NBEAL1: variants seen among roughly 807,000 people sequenced by gnomAD.
NBEAL1 encodes the protein neurobeachin-like protein 1.
A neutral mutation model predicts 351.3 loss-of-function variants in NBEAL1; 273 were observed. The observed-to-expected ratio is 0.78, with a 90% CI of 0.70 to 0.86. The LOEUF (loss-of-function observed/expected upper bound fraction) is 0.86. Among genes scored for constraint, NBEAL1 ranks in the 40% least tolerant of loss-of-function variants. The probability of loss-of-function intolerance (pLI) is 0.00; values close to 1 mark genes in which losing one functional copy is unlikely to be tolerated. For synonymous variants in NBEAL1, 1,050 were observed against 1,086.4 expected (o/e 0.97, Z 0.66); for missense variants, 2,961 against 3,201.3 (o/e 0.92, Z 1.81).
At chr2:203,084,072 A>T (rs1029097406) in intron 9 of NBEAL1, among the ~76,000 whole-genome samples, 5 of 144,790 alleles carry the variant, frequency 3.5e-5, no homozygotes, top group African/African-American at 1.3e-4. Flanking sequence ...CTGCTTATTT[A>T]TCTCTGTCTC....
chr2:203,059,196 T>C (rs763286855), intron 6 of NBEAL1, among the ~76,000 whole-genome samples: 6 of 152,208 alleles, frequency 3.9e-5, no homozygotes, highest in African/African-American at 1.4e-4. Context: ...GTAACACCTT[T>C]TGTATGTTCT....
chr2:203,220,179 T>C lies in NBEAL1; in HGVS notation c.*2825T>C, dbSNP rs2065939329. Among the ~76,000 whole-genome samples, 1 of 152,136 alleles carries C rather than the reference T, an allele frequency of 6.6e-6. No individual in the cohort carries two copies. The highest frequency in any genetic ancestry group is 1.5e-5 in the Non-Finnish European group (1 of 68,024). Reference sequence around the variant, plus strand: ...CAATTGGTGAATATAGTATCTCAAGTTGGCTCTTACAAAGTCTGTTACCTG... The same window carrying C: ...CAATTGGTGAATATAGTATCTCAAGCTGGCTCTTACAAAGTCTGTTACCTG... On this transcript the variant is annotated 3_prime_UTR_variant, in exon 56 of 56. Coordinates refer to ENST00000683969, the MANE Select transcript of NBEAL1 (RefSeq NM_001378026.1).
intron 17 of NBEAL1, among the ~76,000 whole-genome samples, chr2:203,114,397 C>T (rs900634618): frequency 4.6e-5 from 7 of 152,124 alleles, no homozygotes; most frequent in African/African-American, 1.7e-4. Flanking sequence ...CAAAACTTGT[C>T]ATTTTTTCAA....
chr2:203,037,740 GGGAGGATCACTTGA>G (rs2061062716), intron 2 of NBEAL1, among the ~76,000 whole-genome samples: 1 of 148,714 alleles, frequency 6.7e-6, no homozygotes, highest in African/African-American at 2.4e-5. Context: ...AGGCCAAGGT[GGGAGGATCACTTGA>G]GGCCAGGAGT....
chr2:203,032,898 C>T (rs190972906), intron 2 of NBEAL1, among the ~76,000 whole-genome samples: 27 of 151,630 alleles, frequency 1.8e-4, no homozygotes, highest in Middle Eastern at 3.4e-3. Flanking sequence ...CTCCTGACCT[C>T]GGGTGATCCA....
At chr2:203,079,246 T>A (rs1024868950) in intron 8 of NBEAL1, among the ~76,000 whole-genome samples, 1 of 152,038 alleles carries the variant, frequency 6.6e-6, no homozygotes, top group Non-Finnish European at 1.5e-5. Context: ...ACTCAGCTAA[T>A]TTTTGTATTT....
At chr2:203,113,515 G>A (rs528293884) in intron 17 of NBEAL1, among the ~76,000 whole-genome samples, 197 bp downstream of exon 17, 127 of 152,162 alleles carry the variant, frequency 8.3e-4, no homozygotes, top group Middle Eastern at 3.4e-3. Context: ...TGTTTTGTAG[G>A]CATAAATAAA....
intron 47 of NBEAL1, among the ~76,000 whole-genome samples, chr2:203,195,876 A>G (rs2065227205): frequency 6.6e-6 from 1 of 152,184 alleles, no homozygotes; most frequent in South Asian, 2.1e-4. Context: ...CAGAAGAAAA[A>G]CAAGTGTTTA....
chr2:203,203,924 TTG>T (rs771898951), intron 51 of NBEAL1, among the ~76,000 whole-genome samples: 11 of 151,816 alleles, frequency 7.2e-5, no homozygotes, highest in Non-Finnish European at 1.6e-4. Context: ...TGTGTTTTTT[TTG>T]TTATTTTTTG....
chr2:203,138,238 G>A lies in NBEAL1; in HGVS notation c.4642G>A (p.Ala1548Thr), dbSNP rs781147771. Residue 1548 changes from alanine (A) to threonine (T), a missense_variant, in exon 30 of 56, where the codon GCC (alanine) becomes ACC (threonine). By Grantham distance (58) the Ala-to-Thr change is moderately conservative. Transcript: ENST00000683969. ...AACTAATCCAGTAACTGCTGAAAAC[G>A]CCTTCCGACTAGTGCTGATCATACA... ...AKTNPVTAENAFRLVLIIQDF... is the reference protein window; with the variant it reads ...AKTNPVTAENTFRLVLIIQDF... 2.0e-5 allele frequency: 33 copies of A among 1,613,852 alleles called. No homozygotes were observed. Among genetic ancestry groups the A allele is most frequent in the Non-Finnish European group, 2.5e-5 (29 of 1,179,876 alleles).
chr2:203,049,212 A>G (rs2061282984), intron 3 of NBEAL1, among the ~76,000 whole-genome samples: 1 of 152,012 alleles, frequency 6.6e-6, no homozygotes, highest in Admixed American at 6.6e-5. Flanking sequence ...AAATGATACA[A>G]TGAAACCAGC....
intron 35 of NBEAL1, among the ~76,000 whole-genome samples, chr2:203,155,264 T>A (rs1443832543): frequency 3.2e-5 from 4 of 126,198 alleles, no homozygotes; most frequent in Non-Finnish European, 3.5e-5. Context: ...AAAAAAAAAA[T>A]TGATTTAAGA....
chr2:203,224,950 A>G lies in NBEAL1; in HGVS notation c.*7596A>G, dbSNP rs747453442. The stretch of plus-strand genomic sequence containing the variant: ...TTTTAAAATTAAATATATAAGATGT[A>G]TGTTTTGTTTTATTACATTAAGTGC... On this transcript the variant is annotated 3_prime_UTR_variant, in exon 56 of 56. Transcript: ENST00000683969. Among the ~76,000 whole-genome samples the G allele has an allele frequency of 6.6e-6, 1 of 152,086 alleles. No homozygotes were observed. The highest frequency in any genetic ancestry group is 2.4e-5 in the African/African-American group (1 of 41,434).
intron 11 of NBEAL1, among the ~76,000 whole-genome samples, chr2:203,099,205 G>A (rs538506095): frequency 6.6e-6 from 1 of 152,020 alleles, no homozygotes; most frequent in South Asian, 2.1e-4. Context: ...GAACCTGGGA[G>A]GCGGAGGTTG....
At chr2:203,021,559 C>T (rs757990700) in intron 2 of NBEAL1, among the ~76,000 whole-genome samples, 1 of 151,806 alleles carries the variant, frequency 6.6e-6, no homozygotes, top group African/African-American at 2.4e-5. Flanking sequence ...CGTGCCACTA[C>T]ACTCCAGCCT....
intron 36 of NBEAL1, among the ~76,000 whole-genome samples, chr2:203,160,027 A>C (rs1311787495): frequency 6.7e-6 from 1 of 150,288 alleles, no homozygotes; most frequent in Non-Finnish European, 1.5e-5. Flanking sequence ...GTTTGCCATT[A>C]ATATATATCT....
intron 5 of NBEAL1, 42 bp downstream of exon 5, chr2:203,056,550 A>G (rs2061405509): frequency 2.8e-6 from 3 of 1,057,352 alleles, no homozygotes; most frequent in Admixed American, 2.1e-5. Context: ...ACTGAGAACA[A>G]CTAGGTTTTA....
Position 203,209,173 on chromosome 2 carries a change from A to G in NBEAL1, c.7636A>G (p.Ile2546Val), listed in dbSNP as rs2065699818. The change falls in exon 53 of 56, where the codon ATT (isoleucine) becomes GTT (valine). Residue 2546 changes from isoleucine (I) to valine (V), a missense_variant. Coordinates refer to ENST00000683969, the MANE Select transcript of NBEAL1 (RefSeq NM_001378026.1). The part of the protein sequence containing the change: ...AVSGSRDGTV[I>V]IHTIQKGQYM... ...ATCCTGTGTGTAGGATGGAACGGTG[A>G]TTATACATACCATTCAGAAAGGTCA... is the stretch of plus-strand genomic sequence containing the variant. 1 of 1,612,086 alleles carries G rather than the reference A, an allele frequency of 6.2e-7. No individual in the cohort carries two copies. The highest frequency in any genetic ancestry group is 1.1e-5 in the South Asian group (1 of 90,984).
Position 203,172,815 on chromosome 2 carries a change from G to A in NBEAL1, c.6285G>A (p.Gly2095=). Residue 2095 remains glycine (G), a synonymous_variant, in exon 41 of 56, where the codon GGG becomes GGA. Coordinates refer to ENST00000683969, the MANE Select transcript of NBEAL1 (RefSeq NM_001378026.1). ...AVFRDLSKPI[G]VVNEKNAKAM... ...TTCGAGATCTTTCCAAACCAATTGG[G>A]GTAGTTAATGAAAAAAACGCCAAAG... is the stretch of plus-strand genomic sequence containing the variant. 1.2e-6 allele frequency: 2 copies of A among 1,609,754 alleles called. No individual in the cohort carries two copies. The highest frequency in any genetic ancestry group is 1.7e-6 in the Non-Finnish European group (2 of 1,177,758).
Sources: gnomAD v4.1 joint callset for allele counts (sites outside exome capture counted in the v4.1 genomes callset) on GRCh38, gnomAD v4.1.1 for gene constraint, MANE v1.5 for transcripts, NCBI Gene and HGNC (gene_info 2026-07-23, HGNC 2026-07-21) for gene names.